Variants in ADCY3 observed in about 807,000 individuals in gnomAD.
The protein encoded by ADCY3 is adenylate cyclase type 3.
ADCY3 carries 70 observed loss-of-function variants against 119.4 expected under a neutral mutation model. The ratio of observed to expected loss-of-function variants is 0.59; its 90% CI spans 0.48 to 0.72. The LOEUF (loss-of-function observed/expected upper bound fraction) is 0.72, where lower values mean the gene tolerates loss of function less well. ADCY3 is among the 30% of genes least tolerant of loss of function. ADCY3 has a pLI of 0.00. For missense variants in ADCY3, 1,238 were observed against 1,541.6 expected (o/e 0.80, Z 3.30); for synonymous variants, 672 against 621.4 (o/e 1.08, Z -1.21).
rs576112650 is a variant in ADCY3 at position 24,878,600 on chromosome 2, A to T, written c.676-5881T>A. On this transcript the variant is annotated intron_variant, in intron 2 of 21. Coordinates refer to ENST00000679454, the MANE Select transcript of ADCY3 (RefSeq NM_004036.5). The surrounding 1 kb of genome is among the most constrained non-coding windows in gnomAD (Gnocchi z 4.0). The stretch of plus-strand genomic sequence containing the variant: ...GGAAACTCGTCATTAAAACTTACTC[A>T]GATGCTTTAGGAAAAAGTCTCCTAG... 6.6e-6 allele frequency among the ~76,000 whole-genome samples: 1 copy of T among 152,072 alleles called. No homozygotes were observed. Among genetic ancestry groups the T allele is most frequent in the East Asian group, 1.9e-4 (1 of 5,130 alleles).
At chr2:24,828,854 C>T (rs1430908128) in intron 13 of ADCY3, among the ~76,000 whole-genome samples, 1 of 152,122 alleles carries the variant, frequency 6.6e-6, no homozygotes, top group African/African-American at 2.4e-5. Flanking sequence ...GTGTCCAGGA[C>T]CCCATGCAGT....
chr2:24,838,235 C>T (rs1049747404), intron 8 of ADCY3, among the ~76,000 whole-genome samples: 1 of 152,076 alleles, frequency 6.6e-6, no homozygotes, highest in Non-Finnish European at 1.5e-5. Context: ...TCAGTCACCT[C>T]CATTGCAACC....
At chr2:24,846,737 C>A (rs1179440977) in intron 3 of ADCY3, among the ~76,000 whole-genome samples, 1 of 152,112 alleles carries the variant, frequency 6.6e-6, no homozygotes, top group Non-Finnish European at 1.5e-5. Flanking sequence ...TGCCCCCATG[C>A]CCGGCTAATT....
Position 24,842,833 on chromosome 2 carries a change from C to T in ADCY3, c.826-449G>A, listed in dbSNP as rs929280930. Among the ~76,000 whole-genome samples, 5 of 152,190 alleles carry T rather than the reference C, an allele frequency of 3.3e-5. No individual in the cohort carries two copies. The highest frequency in any genetic ancestry group is 1.2e-4 in the African/African-American group (5 of 41,438). On this transcript the variant is annotated intron_variant, in intron 3 of 21. Transcript: ENST00000679454. This position sits in a 1 kb window ranked among gnomAD's most constrained non-coding sequence, Gnocchi z 4.9. ...GACTGACAGCAGACCAGGCACTACACGAGGCGCCAGCGACACAAAACCAGC... is the reference window on the plus strand; with the variant it reads ...GACTGACAGCAGACCAGGCACTACATGAGGCGCCAGCGACACAAAACCAGC...
chr2:24,822,663 A>G, intron 18 of ADCY3, 33 bp from the exon 19 acceptor site: 2 of 1,610,046 alleles, frequency 1.2e-6, no homozygotes, highest in Non-Finnish European at 1.7e-6. Context: ...AATTGTCAGC[A>G]GTCAAGGGAG....
In ADCY3 at chr2:24,879,074, G is replaced by A. The variant is rs1336412868; in HGVS notation, c.676-6355C>T. The stretch of plus-strand genomic sequence containing the variant: ...AGAGGTCAGGCCTCGCAGTCACATA[G>A]ACCTGCACACGGCTGCCCGCAGGCT... On this transcript the variant is annotated intron_variant, in intron 2 of 21. Transcript: ENST00000679454. Among the ~76,000 whole-genome samples, 5 of 152,302 alleles carry A rather than the reference G, an allele frequency of 3.3e-5. No individual in the cohort carries two copies. In the East Asian group the frequency reaches 9.7e-4, roughly 29 times the overall value.
intron 2 of ADCY3, among the ~76,000 whole-genome samples, chr2:24,880,571 T>C (rs1395486323): frequency 1.3e-5 from 2 of 152,194 alleles, no homozygotes; most frequent in Non-Finnish European, 2.9e-5. Context: ...GAAATAATAT[T>C]TCAAATGTAA....
At chr2:24,859,007 G>A (rs963318690) in intron 3 of ADCY3, among the ~76,000 whole-genome samples, 12 of 152,360 alleles carry the variant, frequency 7.9e-5, no homozygotes, top group African/African-American at 2.9e-4. Context: ...AGAGGTGAGA[G>A]TTGGAACCAA....
chr2:24,836,140 A>G (rs1670304216), intron 9 of ADCY3, among the ~76,000 whole-genome samples: 1 of 152,164 alleles, frequency 6.6e-6, no homozygotes, highest in Non-Finnish European at 1.5e-5. Flanking sequence ...CCGAAAAATC[A>G]GGCTGCTAAA....
chr2:24,828,193 G>A (rs773017407), intron 13 of ADCY3, 32 bp from the exon 14 acceptor site: 19 of 1,608,140 alleles, frequency 1.2e-5, no homozygotes, highest in Admixed American at 3.3e-5. Context: ...AGGGACACAC[G>A]TTCAAGAGAA....
At position 24,878,524 on chromosome 2, in the gene ADCY3, G is replaced by A. The variant is rs1675993065; in HGVS notation, c.676-5805C>T. On this transcript the variant is annotated intron_variant, in intron 2 of 21. Coordinates refer to ENST00000679454, the MANE Select transcript of ADCY3 (RefSeq NM_004036.5). The surrounding 1 kb of genome is among the most constrained non-coding windows in gnomAD (Gnocchi z 4.0). Reference sequence around the variant, plus strand: ...GAAAGCTGCTCAGGGTGCAGTGTCCGTGTCGCCCACAGAGACCTATGACGT... The same window carrying A: ...GAAAGCTGCTCAGGGTGCAGTGTCCATGTCGCCCACAGAGACCTATGACGT... 6.6e-6 allele frequency among the ~76,000 whole-genome samples: 1 copy of A among 152,136 alleles called. No homozygotes were observed. Among genetic ancestry groups the A allele is most frequent in the South Asian group, 2.1e-4 (1 of 4,820 alleles).
chr2:24,826,044 C>T lies in ADCY3; in HGVS notation c.2577+1G>A, dbSNP rs771918866. The T allele has an allele frequency of 3.1e-6, 5 of 1,613,802 alleles. No individual in the cohort carries two copies. The highest frequency in any genetic ancestry group is 2.2e-5 in the East Asian group (1 of 44,886). ...GCGGGGATCGTGCAGGCGGCACTCA[C>T]GTGGCGGGAGAAGTAGTAGAAGCTG... On this transcript the variant is annotated splice_donor_variant, in intron 16 of 21. Transcript: ENST00000679454. LOFTEE classifies it high-confidence loss of function.
At chr2:24,889,701 T>C (rs1442388000) in intron 2 of ADCY3, among the ~76,000 whole-genome samples, 1 of 152,202 alleles carries the variant, frequency 6.6e-6, no homozygotes, top group Admixed American at 6.5e-5. Context: ...CCAGGCGTGA[T>C]GGCACATGCC....
At position 24,919,228 on chromosome 2, in the gene ADCY3, C is replaced by T. The variant is rs778616044; in HGVS notation, c.-197-44G>A. The T allele has an allele frequency of 3.8e-6, 2 of 530,436 alleles. No homozygotes were observed. The highest frequency in any genetic ancestry group is 3.3e-5 in the Admixed American group (1 of 30,510). 32.9% of individuals were successfully genotyped at this position (530,436 alleles called of 1,614,324 possible). Reference sequence around the variant, plus strand: ...AGTAGAAGCACCTCTTCCCTCCTACCTTGCGGTTTCCCCATGACCCGCCCT... The same window carrying T: ...AGTAGAAGCACCTCTTCCCTCCTACTTTGCGGTTTCCCCATGACCCGCCCT... On this transcript the variant is annotated intron_variant, in intron 1 of 21. Transcript: ENST00000679454. The surrounding 1 kb of genome is among the most constrained non-coding windows in gnomAD (Gnocchi z 5.5).
chr2:24,903,149 CA>C (rs57777144), intron 2 of ADCY3, among the ~76,000 whole-genome samples: 12,120 of 95,406 alleles, frequency 0.13, 509 homozygotes, highest in African/African-American at 0.14. Context: ...ACTCTATCTC[CA>C]AAAAAAAAAA....
At position 24,822,633 on chromosome 2, in the gene ADCY3, G is replaced by A; in HGVS notation, c.2884-3C>T. On this transcript the variant is annotated splice_polypyrimidine_tract_variant and splice_region_variant and intron_variant, in intron 18 of 21. Transcript: ENST00000679454. ...CGGAACTTGGGATTGTCCAGGAGCT[G>A]AGGCCAGGATTCAGGAAAGAATTGT... 2 of 1,613,870 alleles carry A rather than the reference G, an allele frequency of 1.2e-6. No homozygotes were observed. Among genetic ancestry groups the A allele is most frequent in the Non-Finnish European group, 1.7e-6 (2 of 1,179,794 alleles).
chr2:24,904,520 C>G (rs561064937), intron 2 of ADCY3, among the ~76,000 whole-genome samples: 68 of 150,392 alleles, frequency 4.5e-4, no homozygotes, highest in African/African-American at 1.6e-3. Flanking sequence ...AATTCCATCT[C>G]AAAAAAAAAG....
intron 20 of ADCY3, 27 bp downstream of exon 20, chr2:24,821,490 C>T (rs768066518): frequency 1.2e-5 from 20 of 1,610,982 alleles, no homozygotes; most frequent in East Asian, 6.7e-5. Flanking sequence ...GAGCCTGCTG[C>T]GGGGCAGGCC....
At chr2:24,879,145 C>T (rs1314561555) in intron 2 of ADCY3, among the ~76,000 whole-genome samples, 1 of 152,118 alleles carries the variant, frequency 6.6e-6, no homozygotes, top group East Asian at 1.9e-4. Context: ...TGGCTCCTCA[C>T]CCTTGCAGTA....
Sources: allele counts gnomAD v4.1 joint callset (sites outside exome capture counted in the v4.1 genomes callset), GRCh38; gene constraint gnomAD v4.1.1; non-coding constraint Gnocchi (gnomAD v3.1); transcripts MANE v1.5; gene names NCBI Gene and HGNC (gene_info 2026-07-23, HGNC 2026-07-21).